LRRC56: variants seen among roughly 807,000 people sequenced by gnomAD.
The protein encoded by LRRC56 is leucine rich repeat containing 56.
A neutral mutation model predicts 47.8 loss-of-function variants in LRRC56; 41 were observed. That is an observed-to-expected ratio of 0.86 (90% CI 0.67 to 1.11). The LOEUF (loss-of-function observed/expected upper bound fraction) is 1.11. LRRC56 is among the 50% of genes most tolerant of loss of function. The pLI is 0.00. For synonymous variants in LRRC56, 387 were observed against 311.2 expected (o/e 1.24, Z -2.56); for missense variants, 759 against 704.2 (o/e 1.08, Z -0.88).
chr11:525,470 C>T, the LRRC56 span, among the ~76,000 whole-genome samples: 7 of 150,864 alleles, frequency 4.6e-5, no homozygotes, highest in Non-Finnish European at 1.5e-5. Flanking sequence ...ACCCAGTAGG[C>T]GGAGCTTGCA....
Position 553,911 on chromosome 11 carries a change from C to T in LRRC56, c.1316-52C>T, listed in dbSNP as rs548317353. The T allele has an allele frequency of 5.8e-6, 9 of 1,555,984 alleles. No individual in the cohort carries two copies. In the East Asian group the frequency reaches 1.8e-4, roughly 31 times the overall value. On this transcript the variant is annotated intron_variant, in intron 13 of 13. Transcript: ENST00000270115. ...GGGCTGTGGCCTCCCCACCGGGTGA[C>T]TCCCTTCCCTGACAGCCTTTCTGAC...
upstream of LRRC56, chr11:532,834 A>G: frequency 6.9e-7 from 1 of 1,457,156 alleles, no homozygotes; most frequent in African/African-American, 1.4e-5. Flanking sequence ...CTGTGGGATC[A>G]AGCCTTGCCT....
the LRRC56 span, among the ~76,000 whole-genome samples, chr11:520,736 A>C: frequency 6.6e-6 from 1 of 152,000 alleles, no homozygotes; most frequent in Non-Finnish European, 1.5e-5. Context: ...CCCTCCATCC[A>C]GGGTCTCCTG....
At chr11:534,934 G>T (rs1189000410), upstream of LRRC56, among the ~76,000 whole-genome samples, 1 of 152,246 alleles carries the variant, frequency 6.6e-6, no homozygotes, top group Non-Finnish European at 1.5e-5. Flanking sequence ...GGAGAAGACA[G>T]AGGAGCTCCT....
At chr11:517,896 CTG>C in the LRRC56 span, among the ~76,000 whole-genome samples, 4 of 152,234 alleles carry the variant, frequency 2.6e-5, no homozygotes, top group East Asian at 7.7e-4. Flanking sequence ...CTGAAACGTG[CTG>C]TGTCAACTCA....
the LRRC56 span, among the ~76,000 whole-genome samples, chr11:525,419 G>A: frequency 5.9e-5 from 9 of 152,044 alleles, no homozygotes; most frequent in East Asian, 3.9e-4. Context: ...GCCGCCTGTA[G>A]TCCCAGCTAC....
In LRRC56 at chr11:540,698, G is replaced by A. The variant is rs956545115; in HGVS notation, c.14G>A (p.Trp5Ter). 7 of 1,612,712 alleles carry A rather than the reference G, an allele frequency of 4.3e-6. No individual in the cohort carries two copies. Among genetic ancestry groups the A allele is most frequent in the Non-Finnish European group, 5.9e-6 (7 of 1,179,812 alleles). MDLG[W>*]DRSRGPRRST... ...GGTGACATGTGAATGGATCTGGGCT[G>A]GGACAGATCCCGTGGGCCTCGGCGG... The change falls in exon 4 of 14, where the codon TGG becomes TAG. Residue 5 changes from tryptophan to a stop codon, truncating the protein, a stop_gained. Coordinates refer to ENST00000270115, the MANE Select transcript of LRRC56 (RefSeq NM_198075.4). LOFTEE classifies it high-confidence loss of function.
the LRRC56 span, among the ~76,000 whole-genome samples, chr11:509,704 C>T: frequency 3.4e-3 from 512 of 150,468 alleles, 7 homozygotes; most frequent in East Asian, 0.053. Context: ...CCTGCCACCA[C>T]GCCCGGCTAA....
chr11:538,316 G>A (rs910239363), intron 1 of LRRC56, among the ~76,000 whole-genome samples: 11 of 152,156 alleles, frequency 7.2e-5, no homozygotes, highest in African/African-American at 2.4e-4. Flanking sequence ...GCCAGCTCAC[G>A]CCCTCCATGA....
intron 6 of LRRC56, among the ~76,000 whole-genome samples, chr11:545,196 G>T (rs1852008491): frequency 6.6e-6 from 1 of 152,240 alleles, no homozygotes; most frequent in Admixed American, 6.5e-5. Flanking sequence ...CTCACTCAGA[G>T]CTGGGGCCAG....
At chr11:532,589 T>G (rs921961629), upstream of LRRC56, 1 of 1,579,508 alleles carries the variant, frequency 6.3e-7, no homozygotes. Context: ...GGAGCCGGGG[T>G]CATCCGGTGG....
At chr11:527,354 C>T in the LRRC56 span, among the ~76,000 whole-genome samples, 6 of 152,254 alleles carry the variant, frequency 3.9e-5, no homozygotes, top group Middle Eastern at 3.4e-3. Flanking sequence ...GAGCACCTTG[C>T]GCAGTGAACT....
rs1437476785 is a variant in LRRC56 at position 538,771 on chromosome 11, A to G, written c.-248A>G. On this transcript the variant is annotated 5_prime_UTR_variant, in exon 2 of 14. Transcript: ENST00000270115. ...AAATATTTGAGCATCCCCTCCTGCG[A>G]CTGTGGACAGCAGAGGAGCACGCAG... 6.6e-6 allele frequency: 1 copy of G among 152,290 alleles called. No individual in the cohort carries two copies. Among genetic ancestry groups the G allele is most frequent in the Non-Finnish European group, 1.5e-5 (1 of 68,078 alleles). The allele number at this position is 152,290 out of a possible 1,614,324, so 9.4% of individuals were successfully genotyped here. A position where few individuals can be genotyped will look rare whatever the true frequency, so the allele number is the denominator to read the frequency against.
chr11:523,285 T>TGC, the LRRC56 span, among the ~76,000 whole-genome samples: 1 of 151,700 alleles, frequency 6.6e-6, no homozygotes, highest in Non-Finnish European at 1.5e-5. Flanking sequence ...CGCTTTGGTC[T>TGC]CAAAGGCGGG....
At position 539,026 on chromosome 11, in the gene LRRC56, C is replaced by T. The variant is rs1220208781; in HGVS notation, c.-159+166C>T. 3.3e-5 allele frequency among the ~76,000 whole-genome samples: 5 copies of T among 152,336 alleles called. No individual in the cohort carries two copies. The East Asian group carries it at 5.8e-4, about 18-fold the overall frequency. ...CGCTCCGAGCACACTTGTCACTCCA[C>T]GCCTGGAGCTCATGATTCCAGGGCC... On this transcript the variant is annotated intron_variant, in intron 2 of 13. Coordinates refer to ENST00000270115, the MANE Select transcript of LRRC56 (RefSeq NM_198075.4).
upstream of LRRC56, among the ~76,000 whole-genome samples, chr11:534,875 C>G (rs1851363028): frequency 6.6e-6 from 1 of 152,212 alleles, no homozygotes; most frequent in Non-Finnish European, 1.5e-5. Flanking sequence ...CGGGCAGCGC[C>G]CCGCACCCCC....
chr11:514,116 G>A, the LRRC56 span, among the ~76,000 whole-genome samples: 17 of 151,750 alleles, frequency 1.1e-4, no homozygotes, highest in South Asian at 2.1e-4. Flanking sequence ...CTTAGCCTCC[G>A]GAGGAGCTGG....
In LRRC56 at chr11:554,531, C is replaced by T. The variant is rs1301614785; in HGVS notation, c.*255C>T. ...CCGGCTCCCCAGCCCTTCCTTAGGG[C>T]CAGGCTTTCCCGCGGGCACGGGGGT... On this transcript the variant is annotated 3_prime_UTR_variant, in exon 14 of 14. Transcript: ENST00000270115. 5 of 423,672 alleles carry T rather than the reference C, an allele frequency of 1.2e-5. No individual in the cohort carries two copies. The highest frequency in any genetic ancestry group is 4.1e-5 in the African/African-American group (2 of 48,636). 26.2% of individuals were successfully genotyped at this position (423,672 alleles called of 1,614,324 possible).
chr11:534,080 C>T (rs947831654), upstream of LRRC56: 49 of 1,181,122 alleles, frequency 4.1e-5, no homozygotes, highest in South Asian at 1.3e-4. Context: ...GGACTCCCCT[C>T]CTCTAGAGGA....
Sources: gnomAD v4.1 joint callset for allele counts (sites outside exome capture counted in the v4.1 genomes callset) on GRCh38, gnomAD v4.1.1 for gene constraint, MANE v1.5 for transcripts, NCBI Gene and HGNC (gene_info 2026-07-23, HGNC 2026-07-21) for gene names.